Variants in HUWE1 observed in about 807,000 individuals in gnomAD.
The protein encoded by HUWE1 is E3 ubiquitin-protein ligase HUWE1.
A neutral mutation model predicts 299.4 loss-of-function variants in HUWE1; 18 were observed. That is an observed-to-expected ratio of 0.06 (90% CI 0.04 to 0.09). The LOEUF is 0.09. Among genes scored for constraint, HUWE1 ranks in the 10% least tolerant of loss-of-function variants. The pLI is 1.00. For missense variants in HUWE1, 1,832 were observed against 3,462.3 expected (o/e 0.53, Z 11.82); for synonymous variants, 1,317 against 1,286.1 (o/e 1.02, Z -0.51).
At chrX:53,563,673 T>G in intron 52 of HUWE1, 73 bp downstream of exon 52, 1 of 1,102,363 alleles carries the variant, frequency 9.1e-7, no homozygotes, top group East Asian at 3.1e-5. Flanking sequence ...AGCAAGCAGA[T>G]GATGAGAAAA....
At position 53,544,996 on chromosome X, in the gene HUWE1, C is replaced by T. The variant is rs1045327505; in HGVS notation, c.11048+33G>A. 5.0e-6 allele frequency: 6 copies of T among 1,201,854 alleles called. No individual in the cohort carries two copies. The Admixed American group carries it at 6.6e-5, about 13-fold the overall frequency. ...GCCATCTTCCAGAATATCCCAGATTCAAGCCCCCAGCCAAAGGGTGGCTAC... is the reference window on the plus strand; with the variant it reads ...GCCATCTTCCAGAATATCCCAGATTTAAGCCCCCAGCCAAAGGGTGGCTAC... On this transcript the variant is annotated intron_variant, in intron 71 of 83. Coordinates refer to ENST00000262854, the MANE Select transcript of HUWE1 (RefSeq NM_031407.7).
rs2061841424 is a variant in HUWE1, at chrX:53,553,216, T to G, written c.8495-323A>C. Among the ~76,000 whole-genome samples the G allele has an allele frequency of 8.2e-5, 9 of 109,858 alleles. No individual in the cohort carries two copies. In the Admixed American group the frequency reaches 8.7e-4, roughly 11 times the overall value. On this transcript the variant is annotated intron_variant, in intron 61 of 83. Transcript: ENST00000262854. ...TGGAGTACAGTGGCACAATCTCGGC[T>G]CACTGCAATCTCCGCCTCCTGGGTT...
At chrX:53,679,072 T>C (rs782311504) in intron 3 of HUWE1, among the ~76,000 whole-genome samples, 3 of 111,764 alleles carry the variant, frequency 2.7e-5, no homozygotes, top group African/African-American at 6.5e-5. Flanking sequence ...GGGTCTTTAA[T>C]TGAGCAAGAA....
intron 52 of HUWE1, 27 bp downstream of exon 52, chrX:53,563,719 G>A: frequency 8.3e-7 from 1 of 1,202,233 alleles, no homozygotes; most frequent in East Asian, 3.0e-5. Flanking sequence ...CAAAGGAAGA[G>A]GCTATACTCA....
At chrX:53,586,996 C>T in intron 37 of HUWE1, 87 bp from the exon 38 acceptor site, 1 of 996,822 alleles carries the variant, frequency 1.0e-6, no homozygotes. Flanking sequence ...GGGAGGGGAA[C>T]ATAAGGGTAA....
intron 60 of HUWE1, 143 bp from the exon 61 acceptor site, chrX:53,555,063 T>G (rs2061936617): frequency 2.4e-6 from 1 of 424,361 alleles, no homozygotes; most frequent in Non-Finnish European, 3.9e-6. Flanking sequence ...AAGGAACATC[T>G]CTGGTCTGGT....
intron 3 of HUWE1, among the ~76,000 whole-genome samples, chrX:53,660,073 C>T (rs1196696416): frequency 6.3e-5 from 7 of 111,673 alleles, no homozygotes; most frequent in Non-Finnish European, 9.4e-5. Context: ...ATTAATGCAG[C>T]CAAGTAATTT....
At chrX:53,667,804 G>C (rs2069321977) in intron 3 of HUWE1, among the ~76,000 whole-genome samples, 1 of 111,521 alleles carries the variant, frequency 9.0e-6, no homozygotes, top group Admixed American at 9.5e-5. Context: ...CTGAAATTCT[G>C]TGGGAAATTT....
Position 53,595,208 on chromosome X carries a change from T to A in HUWE1, c.3359A>T (p.Tyr1120Phe). The change falls in exon 30 of 84, where the codon TAT (tyrosine) becomes TTT (phenylalanine). Residue 1120 changes from tyrosine (Y) to phenylalanine (F), a missense_variant. Coordinates refer to ENST00000262854, the MANE Select transcript of HUWE1 (RefSeq NM_031407.7). Reference sequence around the variant, plus strand: ...TCACCTGAATCGGGGAGTAGGTGTATATGGTGGGGGCTGCCAAGATAACCC... The same window carrying A: ...TCACCTGAATCGGGGAGTAGGTGTAAATGGTGGGGGCTGCCAAGATAACCC... ...TKGLSWQPPP[Y>F]TPTPRFRLTF... 1 of 1,209,893 alleles carries A rather than the reference T, an allele frequency of 8.3e-7. No homozygotes were observed. Among genetic ancestry groups the A allele is most frequent in the Non-Finnish European group, 1.1e-6 (1 of 894,269 alleles).
intron 4 of HUWE1, 53 bp downstream of exon 4, chrX:53,654,010 T>C: frequency 1.1e-6 from 1 of 898,827 alleles, no homozygotes; most frequent in Non-Finnish European, 1.6e-6. Flanking sequence ...CACAAATATT[T>C]TTTTATTTTT....
intron 76 of HUWE1, 136 bp downstream of exon 76, chrX:53,538,699 C>T (rs933925953): frequency 5.4e-4 from 95 of 176,452 alleles, no homozygotes; most frequent in Middle Eastern, 2.1e-3. Flanking sequence ...TGTGTATGTA[C>T]ACACACACAC....
intron 28 of HUWE1, among the ~76,000 whole-genome samples, chrX:53,600,851 CTG>C (rs1470660350): frequency 4.4e-5 from 5 of 112,455 alleles, no homozygotes. Flanking sequence ...TCCAGAAAAA[CTG>C]TGGAGAAGCT....
At chrX:53,623,039 G>A (rs988344816) in intron 19 of HUWE1, among the ~76,000 whole-genome samples, 11 of 111,586 alleles carry the variant, frequency 9.9e-5, no homozygotes, top group African/African-American at 3.6e-4. Context: ...GAAAACCATA[G>A]GGAAGGAAGT....
At chrX:53,632,895 A>G (rs2066962762) in intron 8 of HUWE1, among the ~76,000 whole-genome samples, 1 of 112,613 alleles carries the variant, frequency 8.9e-6, no homozygotes, top group Non-Finnish European at 1.9e-5. Flanking sequence ...ACTGCCAAGC[A>G]GTAATGAATA....
intron 25 of HUWE1, among the ~76,000 whole-genome samples, chrX:53,606,309 T>C (rs917466644): frequency 3.5e-4 from 39 of 112,237 alleles, no homozygotes; most frequent in African/African-American, 1.1e-3. Flanking sequence ...TGAATTTGAA[T>C]AGACATTTCT....
At chrX:53,571,685 G>A (rs1655588882) in intron 47 of HUWE1, among the ~76,000 whole-genome samples, 2 of 111,874 alleles carry the variant, frequency 1.8e-5, no homozygotes, top group East Asian at 2.8e-4. Flanking sequence ...TAAAAGAGCT[G>A]AATAGACATT....
intron 3 of HUWE1, among the ~76,000 whole-genome samples, chrX:53,668,785 T>C (rs144800794): frequency 8.9e-6 from 1 of 112,440 alleles, no homozygotes; most frequent in East Asian, 2.8e-4. Context: ...AATCTGATCA[T>C]ATGCAAAAGA....
chrX:53,644,491 G>A (rs782443037), intron 7 of HUWE1, among the ~76,000 whole-genome samples: 60 of 111,858 alleles, frequency 5.4e-4, no homozygotes, highest in Non-Finnish European at 8.3e-4. Context: ...ATGTATACAT[G>A]TGTTTCCAAA....
At chrX:53,615,664 AC>A in intron 22 of HUWE1, 79 bp downstream of exon 22, 1 of 705,197 alleles carries the variant, frequency 1.4e-6, no homozygotes, top group Middle Eastern at 2.9e-4. Flanking sequence ...AATCCTAATG[AC>A]CTCTAGTAGG....
Sources: allele counts gnomAD v4.1 joint callset (sites outside exome capture counted in the v4.1 genomes callset), GRCh38; gene constraint gnomAD v4.1.1; transcripts MANE v1.5; gene names NCBI Gene and HGNC (gene_info 2026-07-23, HGNC 2026-07-21).